Variants in MGST2 observed in about 807,000 individuals in gnomAD.
MGST2 encodes the protein glutathione peroxidase MGST2.
MGST2 carries 9 observed loss-of-function variants against 16.6 expected under a neutral mutation model. The ratio of observed to expected loss-of-function variants is 0.54; its 90% confidence interval spans 0.33 to 0.95. MGST2 has a LOEUF of 0.95. Among genes scored for constraint, MGST2 ranks in the 40% least tolerant of loss-of-function variants. MGST2 has a pLI of 0.03. For missense variants in MGST2, 159 were observed against 175.1 expected, an observed-to-expected ratio of 0.91 and a Z score of 0.52; for synonymous variants, 79 against 68.0, an observed-to-expected ratio of 1.16 and a Z score of -0.79.
chr4:139,712,319 G>C (rs1727775597), intron 5 of MGST2, among the ~76,000 whole-genome samples: 1 of 152,108 alleles, frequency 6.6e-6, no homozygotes, highest in Non-Finnish European at 1.5e-5. Flanking sequence ...GAATAAACAG[G>C]GTTAGCTTAA....
At chr4:139,689,831 T>C (rs1403977052) in intron 2 of MGST2, among the ~76,000 whole-genome samples, 5 of 152,220 alleles carry the variant, frequency 3.3e-5, no homozygotes, top group Admixed American at 3.3e-4. Flanking sequence ...ATTGTGTTCG[T>C]TGGACACGGT....
chr4:139,712,294 C>G (rs1324539000), intron 5 of MGST2, among the ~76,000 whole-genome samples: 2 of 152,168 alleles, frequency 1.3e-5, no homozygotes, highest in Non-Finnish European at 2.9e-5. Context: ...TTAGAGATCA[C>G]TGGTTAGTTC....
intron 1 of MGST2, among the ~76,000 whole-genome samples, chr4:139,678,297 C>A (rs994975474): frequency 6.6e-6 from 1 of 152,194 alleles, no homozygotes; most frequent in African/African-American, 2.4e-5. Flanking sequence ...GTATGTCTAA[C>A]TAAAAGACTC....
rs183720634 is a variant in MGST2, at chr4:139,691,435, G to A, written c.159-3762G>A. On this transcript the variant is annotated intron_variant, in intron 2 of 4. Transcript: ENST00000265498. ...AGTTTGGTCCCCTTGAGTTAAACATGCCTGCTGACAGCTTACTGAGGACGT... is the reference window on the plus strand; with the variant it reads ...AGTTTGGTCCCCTTGAGTTAAACATACCTGCTGACAGCTTACTGAGGACGT... Among the ~76,000 whole-genome samples the A allele has an allele frequency of 6.6e-5, 10 of 152,296 alleles. No homozygotes were observed. The East Asian group carries it at 1.9e-3, about 29-fold the overall frequency.
chr4:139,719,221 G>A (rs1336211249), intron 5 of MGST2: 20 of 1,378,398 alleles, frequency 1.5e-5, no homozygotes, highest in East Asian at 5.0e-5. Flanking sequence ...CTCAGTTTAC[G>A]TGGGTCAAAA....
chr4:139,733,063 C>A (rs1230371912), intron 5 of MGST2, among the ~76,000 whole-genome samples: 1 of 152,174 alleles, frequency 6.6e-6, no homozygotes, highest in East Asian at 1.9e-4. Context: ...CAAATATTTG[C>A]TACCTGTTTT....
intron 1 of MGST2, among the ~76,000 whole-genome samples, chr4:139,674,753 C>G (rs1430076419): frequency 2.6e-5 from 4 of 152,094 alleles, no homozygotes; most frequent in Non-Finnish European, 1.5e-5. Flanking sequence ...TGCACTCCAG[C>G]CTGGGTGACA....
chr4:139,700,325 G>A (rs1182659404), intron 3 of MGST2, among the ~76,000 whole-genome samples: 1 of 151,748 alleles, frequency 6.6e-6, no homozygotes, highest in Non-Finnish European at 1.5e-5. Context: ...TAGAGATGCT[G>A]TTTCACTGTG....
At chr4:139,686,302 CTTG>C (rs145418576) in intron 2 of MGST2, among the ~76,000 whole-genome samples, 10,612 of 152,226 alleles carry the variant, frequency 0.07, 550 homozygotes, top group Admixed American at 0.14. Flanking sequence ...GACCAAAGTT[CTTG>C]TTTGCAGAGG....
At chr4:139,693,462 T>C (rs1726736526) in intron 2 of MGST2, among the ~76,000 whole-genome samples, 1 of 151,108 alleles carries the variant, frequency 6.6e-6, no homozygotes, top group African/African-American at 2.4e-5. Flanking sequence ...AGAGCCTTCC[T>C]CTGCTACTAC....
intron 5 of MGST2, chr4:139,730,535 T>C (rs759763339): frequency 1.9e-6 from 3 of 1,571,920 alleles, no homozygotes; most frequent in Non-Finnish European, 2.6e-6. Flanking sequence ...TGCTTCATGA[T>C]GGCTGCTTGG....
At chr4:139,719,185 T>A in intron 5 of MGST2, 1 of 981,104 alleles carries the variant, frequency 1.0e-6, no homozygotes, top group Non-Finnish European at 1.5e-6. Flanking sequence ...ACCTGGATCT[T>A]CCATTGTCAG....
At chr4:139,709,912 C>A (rs1727675021) in intron 5 of MGST2, among the ~76,000 whole-genome samples, 1 of 152,174 alleles carries the variant, frequency 6.6e-6, no homozygotes, top group South Asian at 2.1e-4. Flanking sequence ...GTGTCTGTGC[C>A]AGCTACTCCA....
At chr4:139,674,505 C>T (rs1219718606) in intron 1 of MGST2, among the ~76,000 whole-genome samples, 1 of 150,212 alleles carries the variant, frequency 6.7e-6, no homozygotes, top group African/African-American at 2.5e-5. Context: ...GGTGTCTAGG[C>T]AAAGTGGCTC....
At position 139,669,284 on chromosome 4, in the gene MGST2, G is replaced by A. The variant is rs563219858; in HGVS notation, c.58+3207G>A. Among the ~76,000 whole-genome samples, 16 of 152,232 alleles carry A rather than the reference G, an allele frequency of 1.1e-4. No individual in the cohort carries two copies. The South Asian group carries it at 2.9e-3, about 28-fold the overall frequency. On this transcript the variant is annotated intron_variant, in intron 1 of 4. Transcript: ENST00000265498. ...GTGTGTAAGAGGGAGACAGAGAGAG[G>A]AAGACACAACTGTTTAGCTGGCATT...
At chr4:139,674,515 C>G (rs1260873556) in intron 1 of MGST2, among the ~76,000 whole-genome samples, 1 of 150,254 alleles carries the variant, frequency 6.7e-6, no homozygotes, top group African/African-American at 2.5e-5. Flanking sequence ...CAAAGTGGCT[C>G]ACTTCTGTAA....
downstream of MGST2, among the ~76,000 whole-genome samples, chr4:139,709,155 T>TC (rs1727644921): frequency 7.5e-6 from 1 of 132,806 alleles, no homozygotes; most frequent in Non-Finnish European, 1.5e-5. Context: ...CGATTTCTGC[T>TC]CATTGCAAGC....
chr4:139,730,709 G>A (rs1222176652), intron 5 of MGST2: 1 of 1,557,430 alleles, frequency 6.4e-7, no homozygotes, highest in Non-Finnish European at 8.8e-7. Flanking sequence ...ATTCCCCATA[G>A]AGACTCACTG....
At chr4:139,669,348 A>G (rs1232691856) in intron 1 of MGST2, among the ~76,000 whole-genome samples, 3 of 152,324 alleles carry the variant, frequency 2.0e-5, no homozygotes, top group Middle Eastern at 3.4e-3. Flanking sequence ...TCTGATGTTC[A>G]TGGAGTCGGG....
Sources: gnomAD v4.1 joint callset for allele counts (sites outside exome capture counted in the v4.1 genomes callset) on GRCh38, gnomAD v4.1.1 for gene constraint, MANE v1.5 for transcripts, NCBI Gene and HGNC (gene_info 2026-07-23, HGNC 2026-07-21) for gene names.